Variants in KCNT2 observed in about 807,000 individuals in gnomAD.
KCNT2 encodes the protein potassium sodium-activated channel subfamily T member 2, also known as potassium channel subfamily T member 2.
KCNT2 carries 67 observed loss-of-function variants against 153.8 expected under a neutral mutation model. The observed-to-expected ratio is 0.44, with a 90% CI of 0.36 to 0.53. KCNT2 has a LOEUF of 0.53. Ranked by LOEUF, KCNT2 falls within the 20% of genes least tolerant of loss-of-function variation. The probability of loss-of-function intolerance (pLI) is 0.00; values close to 1 mark genes in which losing one functional copy is unlikely to be tolerated. For synonymous variants in KCNT2, 500 were observed against 458.8 expected (o/e 1.09, Z -1.15); for missense variants, 975 against 1,354.8 (o/e 0.72, Z 4.40).
chr1:196,495,270 T>C (rs1680166368), intron 1 of KCNT2, among the ~76,000 whole-genome samples: 1 of 152,078 alleles, frequency 6.6e-6, no homozygotes, highest in Non-Finnish European at 1.5e-5. Context: ...AGCTTTTTTT[T>C]TTTTAATTTG....
At chr1:196,603,242 T>C (rs1664955291) in intron 1 of KCNT2, among the ~76,000 whole-genome samples, 1 of 152,194 alleles carries the variant, frequency 6.6e-6, no homozygotes, top group Non-Finnish European at 1.5e-5. Context: ...TTGTAGATAT[T>C]GTATATGCAT....
In KCNT2 at chr1:196,261,997, A is replaced by G. The variant is rs183592485; in HGVS notation, c.2911-3503T>C. Among the ~76,000 whole-genome samples, 686 of 152,034 alleles carry G rather than the reference A, an allele frequency of 4.5e-3. 5 individuals carry two copies. Among genetic ancestry groups the G allele is most frequent in the South Asian group, 9.5e-3 (46 of 4,826 alleles). ...CAAATTTAAAATATTATCATTTTCTAAAAGTTATATTACTTCCTAAATATT... is the reference window on the plus strand; with the variant it reads ...CAAATTTAAAATATTATCATTTTCTGAAAGTTATATTACTTCCTAAATATT... On this transcript the variant is annotated intron_variant, in intron 25 of 27. Coordinates refer to ENST00000294725, the MANE Select transcript of KCNT2 (RefSeq NM_198503.5).
rs774977323 is a variant in KCNT2 at position 196,489,822 on chromosome 1, GAA to G, written c.275+14_275+15del. 1 of 1,318,374 alleles carries G rather than the reference GAA, an allele frequency of 7.6e-7. No individual in the cohort carries two copies. The highest frequency in any genetic ancestry group is 1.1e-6 in the Non-Finnish European group (1 of 931,868). 81.7% of individuals were successfully genotyped at this position (1,318,374 alleles called of 1,614,324 possible). On this transcript the variant is annotated intron_variant, in intron 3 of 27. Transcript: ENST00000294725. ...ATCAAAATAATATTGTTGAAGGTCA[GAA>G]AAAGGTACCTTACCATTCATTTCCT...
rs1679014197 is a variant in KCNT2 at position 196,481,429 on chromosome 1, T to C, written c.324+902A>G. 2.0e-5 allele frequency among the ~76,000 whole-genome samples: 3 copies of C among 152,270 alleles called. No individual in the cohort carries two copies. The South Asian group carries it at 6.2e-4, about 32-fold the overall frequency. Reference sequence around the variant, plus strand: ...ACCACTACTCAAAATAGCTAAGTAATAACATTGCACTTGTACCCCATAAAT... The same window carrying C: ...ACCACTACTCAAAATAGCTAAGTAACAACATTGCACTTGTACCCCATAAAT... On this transcript the variant is annotated intron_variant, in intron 4 of 27. Coordinates refer to ENST00000294725, the MANE Select transcript of KCNT2 (RefSeq NM_198503.5).
At chr1:196,381,368 T>A (rs1669475920) in intron 13 of KCNT2, among the ~76,000 whole-genome samples, 1 of 152,002 alleles carries the variant, frequency 6.6e-6, no homozygotes, top group Non-Finnish European at 1.5e-5. Flanking sequence ...AGAGTATACT[T>A]TATCAGCTTC....
intron 1 of KCNT2, among the ~76,000 whole-genome samples, chr1:196,500,899 C>T (rs567519501): frequency 6.6e-6 from 1 of 152,228 alleles, no homozygotes; most frequent in East Asian, 1.9e-4. Context: ...TATGAACAGA[C>T]ATTTTTCAAA....
intron 1 of KCNT2, among the ~76,000 whole-genome samples, chr1:196,582,927 A>G (rs926271288): frequency 6.6e-6 from 1 of 152,144 alleles, no homozygotes; most frequent in South Asian, 2.1e-4. Flanking sequence ...ACAGGATTAT[A>G]AAATACAGAG....
chr1:196,456,092 C>G (rs1048890556), intron 8 of KCNT2, among the ~76,000 whole-genome samples: 1 of 151,988 alleles, frequency 6.6e-6, no homozygotes, highest in African/African-American at 2.4e-5. Context: ...AAAAAATATC[C>G]CAACTGCTTC....
At chr1:196,343,374 A>T (rs1207345994) in intron 14 of KCNT2, among the ~76,000 whole-genome samples, 4 of 152,164 alleles carry the variant, frequency 2.6e-5, no homozygotes, top group African/African-American at 9.6e-5. Context: ...TTATATAATA[A>T]ATTCATTTAC....
chr1:196,337,566 C>T (rs1665156327), intron 16 of KCNT2, among the ~76,000 whole-genome samples: 1 of 152,048 alleles, frequency 6.6e-6, no homozygotes, highest in South Asian at 2.1e-4. Context: ...ACTATTCTTC[C>T]AGCATTCACT....
intron 12 of KCNT2, among the ~76,000 whole-genome samples, chr1:196,418,756 A>G (rs1357254563): frequency 2.0e-5 from 3 of 152,152 alleles, no homozygotes; most frequent in Non-Finnish European, 4.4e-5. Context: ...CCTATTTAAA[A>G]GCCCTATATC....
At chr1:196,287,417 A>T (rs1659767416) in intron 22 of KCNT2, among the ~76,000 whole-genome samples, 1 of 151,496 alleles carries the variant, frequency 6.6e-6, no homozygotes, top group Non-Finnish European at 1.5e-5. Context: ...ACGCCTGAGA[A>T]TTTGATGTTA....
At chr1:196,300,661 T>G (rs2147959268) in intron 22 of KCNT2, among the ~76,000 whole-genome samples, 1 of 152,308 alleles carries the variant, frequency 6.6e-6, no homozygotes, top group South Asian at 2.1e-4. Flanking sequence ...TCTGTACAGC[T>G]GTCCATGCCT....
chr1:196,329,731 T>A (rs571505288), intron 18 of KCNT2, among the ~76,000 whole-genome samples: 1 of 149,724 alleles, frequency 6.7e-6, no homozygotes, highest in Non-Finnish European at 1.5e-5. Context: ...GCCAGAAATA[T>A]CAAGTGCTTC....
chr1:196,568,693 C>T (rs1359339329), intron 1 of KCNT2, among the ~76,000 whole-genome samples: 1 of 151,608 alleles, frequency 6.6e-6, no homozygotes, highest in Non-Finnish European at 1.5e-5. Flanking sequence ...TCACCTCCTG[C>T]TGTGTGGCGC....
intron 1 of KCNT2, among the ~76,000 whole-genome samples, chr1:196,567,195 T>C (rs1191680436): frequency 1.3e-5 from 2 of 152,090 alleles, no homozygotes; most frequent in African/African-American, 4.8e-5. Flanking sequence ...TCACTCCTCC[T>C]CTACTTGAAC....
At chr1:196,310,801 G>A (rs1662100885) in intron 21 of KCNT2, among the ~76,000 whole-genome samples, 2 of 151,806 alleles carry the variant, frequency 1.3e-5, no homozygotes, top group African/African-American at 4.8e-5. Context: ...TGTACCTGCA[G>A]TTATCTTTTA....
chr1:196,285,739 G>A lies in KCNT2; in HGVS notation c.2615C>T (p.Ser872Phe). ...CAGTCGAAACATAAAGGCCAAGTTA[G>A]AGCCTCTCTCCCGTTCTTTCTGTTC... ...KLEKKERERG[S>F]NLAFMFRLPF... is the part of the protein sequence containing the mutation. The change falls in exon 23 of 28, where the codon TCT (serine) becomes TTT (phenylalanine). Residue 872 changes from serine (S) to phenylalanine (F), a missense_variant. Physicochemically the swap from Ser to Phe is radical, Grantham distance 155. This residue lies in a region of KCNT2 where 66 missense variants were observed against 147.9 expected (regional missense o/e 0.45). Transcript: ENST00000294725. 6.2e-7 allele frequency: 1 copy of A among 1,611,640 alleles called. No homozygotes were observed. The highest frequency in any genetic ancestry group is 1.1e-5 in the South Asian group (1 of 91,008).
intron 1 of KCNT2, among the ~76,000 whole-genome samples, chr1:196,552,120 C>A (rs888617840): frequency 2.6e-5 from 4 of 151,190 alleles, no homozygotes; most frequent in South Asian, 4.2e-4. Context: ...AATTCCAACC[C>A]CTTTTCTTGA....
Sources: allele counts gnomAD v4.1 joint callset (sites outside exome capture counted in the v4.1 genomes callset), GRCh38; gene constraint gnomAD v4.1.1; regional missense constraint gnomAD v4.1.1; transcripts MANE v1.5; gene names NCBI Gene and HGNC (gene_info 2026-07-23, HGNC 2026-07-21).